N4BP2L2: variants seen among roughly 807,000 people sequenced by gnomAD.
The protein encoded by N4BP2L2 is NEDD4-binding protein 2-like 2.
Under a neutral mutation model 56.2 loss-of-function variants are expected in N4BP2L2, and 50 were observed. That is an observed-to-expected ratio of 0.89 (90% CI 0.71 to 1.13). The LOEUF (loss-of-function observed/expected upper bound fraction) is 1.13, where lower values mean the gene tolerates loss of function less well. Ranked by LOEUF, N4BP2L2 falls within the 50% of genes most tolerant of loss-of-function variation. N4BP2L2 has a pLI of 0.00. For missense variants in N4BP2L2, 689 were observed against 693.8 expected (o/e 0.99, Z 0.08); for synonymous variants, 203 against 223.6 (o/e 0.91, Z 0.82).
At chr13:32,492,963 C>T (rs1249388192) in intron 6 of N4BP2L2, among the ~76,000 whole-genome samples, 2 of 136,548 alleles carry the variant, frequency 1.5e-5, no homozygotes, top group Non-Finnish European at 3.0e-5. Context: ...CACTCTGTCG[C>T]CCAGGATGCA....
At chr13:32,537,862 A>G (rs1207498615) in intron 1 of N4BP2L2, among the ~76,000 whole-genome samples, 1 of 152,024 alleles carries the variant, frequency 6.6e-6, no homozygotes, top group Non-Finnish European at 1.5e-5. Flanking sequence ...GCTGCTTAGG[A>G]GTTCGAGACC....
chr13:32,442,712 G>A, exon 7 of N4BP2L2: 1 of 1,613,552 alleles, frequency 6.2e-7, no homozygotes, highest in Non-Finnish European at 8.5e-7. Context: ...GTAAAAGATG[G>A]CTTCCAAATA....
intron 9 of N4BP2L2, among the ~76,000 whole-genome samples, chr13:32,434,801 T>C (rs900705103): frequency 2.6e-5 from 4 of 152,170 alleles, no homozygotes; most frequent in Non-Finnish European, 5.9e-5. Context: ...CACATAGCTA[T>C]AGCACTCATA....
chr13:32,483,990 G>GAAAAAAA (rs11424749), intron 6 of N4BP2L2, among the ~76,000 whole-genome samples: 4 of 118,816 alleles, frequency 3.4e-5, no homozygotes, highest in Admixed American at 9.3e-5. Flanking sequence ...ATCTAAAAAA[G>GAAAAAAA]AAAAAAAAAA....
At chr13:32,439,682 G>A (rs761668028) in intron 7 of N4BP2L2, among the ~76,000 whole-genome samples, 5 of 151,948 alleles carry the variant, frequency 3.3e-5, no homozygotes, top group East Asian at 1.9e-4. Flanking sequence ...GAAAAAAATT[G>A]GTATGTTTCT....
At chr13:32,437,123 T>A (rs1034237085) in intron 8 of N4BP2L2, among the ~76,000 whole-genome samples, 1 of 152,096 alleles carries the variant, frequency 6.6e-6, no homozygotes, top group Admixed American at 6.5e-5. Context: ...CCTCAAGTGA[T>A]CCACCCAACT....
intron 3 of N4BP2L2, chr13:32,526,756 GCCC>G (rs1201079398): frequency 7.2e-6 from 1 of 138,154 alleles, no homozygotes; most frequent in Non-Finnish European, 1.5e-5. Flanking sequence ...CAATGTTTAG[GCCC>G]CACCCCAGAT....
intron 6 of N4BP2L2, among the ~76,000 whole-genome samples, chr13:32,453,351 A>T (rs922332276): frequency 6.6e-6 from 1 of 152,242 alleles, no homozygotes; most frequent in Non-Finnish European, 1.5e-5. Flanking sequence ...GTGACTAAAC[A>T]GGAAAGAACT....
intron 6 of N4BP2L2, among the ~76,000 whole-genome samples, chr13:32,490,464 C>G (rs1194550965): frequency 6.6e-6 from 1 of 152,128 alleles, no homozygotes; most frequent in South Asian, 2.1e-4. Context: ...GTCACCATGC[C>G]CGGCTAATTT....
Position 32,437,184 on chromosome 13 carries a change from C to T in N4BP2L2, c.2191-779G>A, listed in dbSNP as rs111788921. Among the ~76,000 whole-genome samples, 1,057 of 152,204 alleles carry T rather than the reference C, an allele frequency of 6.9e-3. 18 individuals carry two copies. Among genetic ancestry groups the T allele is most frequent in the African/African-American group, 0.024 (997 of 41,544 alleles). On this transcript the variant is annotated intron_variant, in intron 8 of 9. Transcript: ENST00000357505. ...AGGCATGAGCCACCACGCCTGGCCA[C>T]AAATGTCAATTTAAACATTTAAAAT...
intron 2 of N4BP2L2, among the ~76,000 whole-genome samples, chr13:32,530,265 T>C (rs751838927): frequency 6.6e-6 from 1 of 152,182 alleles, no homozygotes; most frequent in Non-Finnish European, 1.5e-5. Context: ...CCAGGCAGCA[T>C]AGACTGTTTA....
At chr13:32,454,419 G>C (rs556176117) in intron 6 of N4BP2L2, among the ~76,000 whole-genome samples, 36 of 152,190 alleles carry the variant, frequency 2.4e-4, no homozygotes, top group African/African-American at 7.9e-4. Context: ...CAAACCTTGG[G>C]GGGGAGGGGG....
chr13:32,529,560 G>A (rs1258700513), intron 2 of N4BP2L2, among the ~76,000 whole-genome samples: 1 of 152,084 alleles, frequency 6.6e-6, no homozygotes, highest in Non-Finnish European at 1.5e-5. Flanking sequence ...CCCAAAAAGA[G>A]ATTTTGATTG....
chr13:32,531,848 G>C (rs2054891592), intron 2 of N4BP2L2, among the ~76,000 whole-genome samples: 2 of 152,356 alleles, frequency 1.3e-5, no homozygotes, highest in Admixed American at 1.3e-4. Context: ...AACAAAGTGT[G>C]TGCAGACGTG....
chr13:32,507,084 T>G (rs1593950286), downstream of N4BP2L2: 2 of 152,120 alleles, frequency 1.3e-5, no homozygotes, highest in Non-Finnish European at 2.9e-5. Flanking sequence ...TCAAGAGATA[T>G]TCAGGTGGCA....
At chr13:32,533,724 G>A (rs1025369076) in intron 2 of N4BP2L2, among the ~76,000 whole-genome samples, 2 of 151,896 alleles carry the variant, frequency 1.3e-5, no homozygotes, top group Admixed American at 6.6e-5. Flanking sequence ...TCAGGTGTGA[G>A]CCATCATGCC....
chr13:32,443,843 G>C (rs775147175), exon 7 of N4BP2L2: 1 of 1,578,096 alleles, frequency 6.3e-7, no homozygotes, highest in Non-Finnish European at 8.6e-7. Flanking sequence ...CTGTCTTTAG[G>C]ATCTTTATTT....
At chr13:32,534,183 CTTG>C (rs1164123815) in intron 2 of N4BP2L2, among the ~76,000 whole-genome samples, 3 of 152,280 alleles carry the variant, frequency 2.0e-5, no homozygotes, top group Non-Finnish European at 2.9e-5. Flanking sequence ...ACGAATGGTA[CTTG>C]TTGGTACTAC....
chr13:32,536,296 G>C (rs1285465134), exon 2 of N4BP2L2: 2 of 1,613,490 alleles, frequency 1.2e-6, no homozygotes, highest in Non-Finnish European at 8.5e-7. Context: ...AGGGATATTT[G>C]TCTGGCTCAT....
Sources: gnomAD v4.1 joint callset for allele counts (sites outside exome capture counted in the v4.1 genomes callset) on GRCh38, gnomAD v4.1.1 for gene constraint, MANE v1.5 for transcripts, NCBI Gene and HGNC (gene_info 2026-07-23, HGNC 2026-07-21) for gene names.